The following E2F4 variants were observed in gnomAD, a reference collection of about 807,000 sequenced individuals.
E2F4 encodes the protein E2F transcription factor 4, also known as transcription factor E2F4.
Under a neutral mutation model 44.5 loss-of-function variants are expected in E2F4, and 16 were observed. The ratio of observed to expected loss-of-function variants is 0.36; its 90% CI spans 0.24 to 0.55. E2F4 has a LOEUF of 0.55. E2F4 is among the 20% of genes least tolerant of loss of function. The pLI is 0.87. For synonymous variants in E2F4, 242 were observed against 207.2 expected (o/e 1.17, Z -1.44); for missense variants, 473 against 522.1 (o/e 0.91, Z 0.92).
At chr16:67,195,453 G>A (rs528594727) in intron 6 of E2F4, among the ~76,000 whole-genome samples, 30 of 152,272 alleles carry the variant, frequency 2.0e-4, no homozygotes, top group Non-Finnish European at 4.0e-4. Flanking sequence ...TTTTAACAGG[G>A]AACCTCTGAC....
Position 67,193,013 on chromosome 16 carries a change from G to A in E2F4, c.250G>A (p.Val84Met). 1 of 1,570,174 alleles carries A rather than the reference G, an allele frequency of 6.4e-7. No individual in the cohort carries two copies. Among genetic ancestry groups the A allele is most frequent in the Non-Finnish European group, 8.6e-7 (1 of 1,156,520 alleles). The change falls in exon 3 of 10, where the codon GTG (valine) becomes ATG (methionine). Residue 84 changes from valine (V) to methionine (M), a missense_variant. By Grantham distance (21) the Val-to-Met change is conservative. This residue lies in a region of E2F4 where 119 missense variants were observed against 175.6 expected (regional missense o/e 0.68). Coordinates refer to ENST00000379378, the MANE Select transcript of E2F4 (RefSeq NM_001950.4). Reference sequence around the variant, plus strand: ...AGCCCCACTCCCTGGGCTCAGGGGTGTGGGGCCTGGCTGCAATACCCGGGA... The same window carrying A: ...AGCCCCACTCCCTGGGCTCAGGGGTATGGGGCCTGGCTGCAATACCCGGGA... ...KSKNSIQWKG[V>M]GPGCNTREIA... is the part of the protein sequence containing the mutation.
rs755035084 is a variant in E2F4, at chr16:67,198,028, C to A, written c.1147C>A (p.Leu383Ile). The change falls in exon 10 of 10, where the codon CTT becomes ATT. Residue 383 changes from leucine to isoleucine, a missense_variant. By Grantham distance (5) the Leu-to-Ile change is conservative. Around this residue, in one of 3 missense-constraint regions of E2F4, gnomAD observed 314 missense variants for 315.6 expected, o/e 0.99. Coordinates refer to ENST00000379378, the MANE Select transcript of E2F4 (RefSeq NM_001950.4). ...TGCAGTGTTTGCCCCTCTGCTTCGT[C>A]TTTCTCCACCCCCGGGAGACCACGA... ...SSEVFAPLLR[L>I]SPPPGDHDYI... 2 of 1,614,152 alleles carry A rather than the reference C, an allele frequency of 1.2e-6. No homozygotes were observed. Among genetic ancestry groups the A allele is most frequent in the Middle Eastern group, 1.6e-4 (1 of 6,062 alleles).
At position 67,198,277 on chromosome 16, in the gene E2F4, C is replaced by T. The variant is rs1214686551; in HGVS notation, c.*154C>T. On this transcript the variant is annotated 3_prime_UTR_variant, in exon 10 of 10. Transcript: ENST00000379378. ...ACCGCACAGTTCTGGCCACAGCTCCCGCTCCTGTGCTGGCACTTCTGTGCT... is the reference window on the plus strand; with the variant it reads ...ACCGCACAGTTCTGGCCACAGCTCCTGCTCCTGTGCTGGCACTTCTGTGCT... The T allele has an allele frequency of 1.1e-5, 7 of 652,110 alleles. No homozygotes were observed. The highest frequency in any genetic ancestry group is 1.9e-5 in the Non-Finnish European group (7 of 370,824). 40.4% of individuals were successfully genotyped at this position (652,110 alleles called of 1,614,324 possible). A position where few individuals can be genotyped will look rare whatever the true frequency, so the allele number is the denominator to read the frequency against.
Position 67,192,165 on chromosome 16 carries a change from G to A in E2F4, c.-63G>A. On this transcript the variant is annotated 5_prime_UTR_variant, in exon 1 of 10. Coordinates refer to ENST00000379378, the MANE Select transcript of E2F4 (RefSeq NM_001950.4). The stretch of plus-strand genomic sequence containing the variant: ...GGCTGCCCGGCGGCCAGGAACGGAA[G>A]CGGAAGTGGCGGCGGCGCCGGCCTG... 8.4e-7 allele frequency: 1 copy of A among 1,196,762 alleles called. No homozygotes were observed. Among genetic ancestry groups the A allele is most frequent in the East Asian group, 3.6e-5 (1 of 28,130 alleles). 74.1% of individuals were successfully genotyped at this position (1,196,762 alleles called of 1,614,324 possible).
intron 6 of E2F4, 43 bp downstream of exon 6, chr16:67,195,023 T>C (rs1368932407): frequency 6.3e-7 from 1 of 1,585,412 alleles, no homozygotes; most frequent in African/African-American, 1.3e-5. Context: ...CAAGAGGTAG[T>C]ATCTCTGTGT....
intron 4 of E2F4, 93 bp from the exon 5 acceptor site, chr16:67,194,305 C>G: frequency 1.4e-6 from 2 of 1,393,260 alleles, no homozygotes; most frequent in Non-Finnish European, 1.0e-6. Flanking sequence ...CCTCAGGGAC[C>G]GTGATCTCCT....
chr16:67,198,014 C>T lies in E2F4; in HGVS notation c.1133C>T (p.Ala378Val), dbSNP rs756743172. ...LEELMSSEVF[A>V]PLLRLSPPPG... The stretch of plus-strand genomic sequence containing the variant: ...AGACTAGTGCTCTCTGCAGTGTTTG[C>T]CCCTCTGCTTCGTCTTTCTCCACCC... Residue 378 changes from alanine to valine, a missense_variant, in exon 10 of 10, where the codon GCC (alanine) becomes GTC (valine). By Grantham distance (64) the Ala-to-Val change is moderately conservative. Around this residue, in one of 3 missense-constraint regions of E2F4, gnomAD observed 314 missense variants for 315.6 expected, o/e 0.99. Coordinates refer to ENST00000379378, the MANE Select transcript of E2F4 (RefSeq NM_001950.4). 6 of 1,613,950 alleles carry T rather than the reference C, an allele frequency of 3.7e-6. No homozygotes were observed. Among genetic ancestry groups the T allele is most frequent in the Admixed American group, 1.7e-5 (1 of 60,008 alleles).
intron 6 of E2F4, chr16:67,195,542 G>C (rs532624773): frequency 2.1e-5 from 17 of 799,160 alleles, no homozygotes; most frequent in Non-Finnish European, 3.0e-5. Context: ...CTGGTAGCCC[G>C]TCTTGAAGTA....
chr16:67,194,854 C>T lies in E2F4; in HGVS notation c.682C>T (p.Leu228=), dbSNP rs781332736. 7.4e-6 allele frequency: 12 copies of T among 1,614,100 alleles called. No homozygotes were observed. In the Admixed American group the frequency reaches 1.5e-4, roughly 20 times the overall value. Residue 228 remains leucine, a synonymous_variant, in exon 6 of 10, where the codon CTG becomes TTG. Coordinates refer to ENST00000379378, the MANE Select transcript of E2F4 (RefSeq NM_001950.4). The stretch of plus-strand genomic sequence containing the variant: ...ATCTGCTGTTTCTACACCTCCACCT[C>T]TGCCCAAGCCTGCCCTAGCCCAGTC... ...SPSAVSTPPP[L]PKPALAQSQE...
rs2033008744 is a variant in E2F4, at chr16:67,198,295, T to A, written c.*172T>A. 2 of 619,672 alleles carry A rather than the reference T, an allele frequency of 3.2e-6. No individual in the cohort carries two copies. The highest frequency in any genetic ancestry group is 5.7e-6 in the Non-Finnish European group (2 of 348,972). The allele number at this position is 619,672 out of a possible 1,614,324, so 38.4% of individuals were successfully genotyped here. A position where few individuals can be genotyped will look rare whatever the true frequency, so the allele number is the denominator to read the frequency against. On this transcript the variant is annotated 3_prime_UTR_variant, in exon 10 of 10. Transcript: ENST00000379378. ...CAGCTCCCGCTCCTGTGCTGGCACTTCTGTGCTCGCAGAGCAGGGGAACAG... is the reference window on the plus strand; with the variant it reads ...CAGCTCCCGCTCCTGTGCTGGCACTACTGTGCTCGCAGAGCAGGGGAACAG...
intron 6 of E2F4, among the ~76,000 whole-genome samples, chr16:67,195,257 C>T (rs1301998459): frequency 6.6e-6 from 1 of 152,220 alleles, no homozygotes. Flanking sequence ...GCCTTAGCCT[C>T]CTGAGTAGCT....
chr16:67,195,118 G>A (rs1224113477), intron 6 of E2F4, 138 bp downstream of exon 6: 9 of 1,119,920 alleles, frequency 8.0e-6, no homozygotes, highest in Non-Finnish European at 1.1e-5. Context: ...CCCTTGCTAT[G>A]GTAATGAATG....
In E2F4 at chr16:67,193,518, G is replaced by A. The variant is rs763111395; in HGVS notation, c.451+3G>A. ...GGACATCTGCAGATGCTTTGCTGGT[G>A]AGCAGAGCCTGGGTAGGGGTAAGGG... On this transcript the variant is annotated splice_donor_region_variant and intron_variant, in intron 4 of 9. Coordinates refer to ENST00000379378, the MANE Select transcript of E2F4 (RefSeq NM_001950.4). The A allele has an allele frequency of 3.7e-6, 6 of 1,614,042 alleles. No homozygotes were observed. The highest frequency in any genetic ancestry group is 1.3e-5 in the African/African-American group (1 of 74,920).
chr16:67,192,773 C>T lies in E2F4; in HGVS notation c.148C>T (p.Leu50=). 6.2e-7 allele frequency: 1 copy of T among 1,611,142 alleles called. No homozygotes were observed. Among genetic ancestry groups the T allele is most frequent in the South Asian group, 1.1e-5 (1 of 90,472 alleles). ...TTCTCTCTGCCAGGCAGCTGACACC[C>T]TAGCTGTACGCCAGAAGCGGCGGAT... ...VLDLKLAADT[L]AVRQKRRIYD... Residue 50 remains leucine (L), a synonymous_variant, in exon 2 of 10, where the codon CTA becomes TTA. Transcript: ENST00000379378.
chr16:67,198,783 C>T lies in E2F4; in HGVS notation c.*660C>T. ...CTTTTTCATTTACCCTCATTTAGAGCCATTTGCAGAGATTTAGAAAGATTT... is the reference window on the plus strand; with the variant it reads ...CTTTTTCATTTACCCTCATTTAGAGTCATTTGCAGAGATTTAGAAAGATTT... On this transcript the variant is annotated 3_prime_UTR_variant, in exon 10 of 10. Transcript: ENST00000379378. 4.5e-6 allele frequency: 1 copy of T among 221,110 alleles called. No individual in the cohort carries two copies. Among genetic ancestry groups the T allele is most frequent in the Non-Finnish European group, 9.0e-6 (1 of 111,494 alleles). 13.7% of individuals were successfully genotyped at this position (221,110 alleles called of 1,614,324 possible).
intron 1 of E2F4, 156 bp downstream of exon 1, chr16:67,192,518 G>T: frequency 8.5e-7 from 1 of 1,172,042 alleles, no homozygotes; most frequent in Non-Finnish European, 1.1e-6. Flanking sequence ...TCATTCATTC[G>T]GCCGAGGCCA....
rs199975562 is a variant in E2F4 at position 67,193,422 on chromosome 16, T to C, written c.408-50T>C. On this transcript the variant is annotated intron_variant, in intron 3 of 9. Coordinates refer to ENST00000379378, the MANE Select transcript of E2F4 (RefSeq NM_001950.4). Reference sequence around the variant, plus strand: ...CTAAAGAATTGGGTCTTTTCTGTAGTCTGCCATCTGTCACCATAGGGCATC... The same window carrying C: ...CTAAAGAATTGGGTCTTTTCTGTAGCCTGCCATCTGTCACCATAGGGCATC... 1.1e-5 allele frequency: 17 copies of C among 1,605,200 alleles called. No homozygotes were observed. The East Asian group carries it at 3.8e-4, about 36-fold the overall frequency.
Position 67,195,890 on chromosome 16 carries a change from ACAGCAGCAGCAGCAGCAGCAGCAGCAG to A in E2F4, c.932_958del (p.Ser311_Ser319del), listed in dbSNP as rs3830472. On this transcript the variant is annotated inframe_deletion, in exon 7 of 10. Coordinates refer to ENST00000379378, the MANE Select transcript of E2F4 (RefSeq NM_001950.4). ...CCACTGCAGTCTTCTGCCCTGCTGG[ACAGCAGCAGCAGCAGCAGCAGCAGCAG>A]CAGCAGCAGCAGCAACAGTAACAGC... 35 of 1,607,984 alleles carry A rather than the reference ACAGCAGCAGCAGCAGCAGCAGCAGCAG, an allele frequency of 2.2e-5. No individual in the cohort carries two copies. The highest frequency in any genetic ancestry group is 1.3e-4 in the East Asian group (6 of 44,680).
chr16:67,197,990 G>C lies in E2F4; in HGVS notation c.1127-18G>C, dbSNP rs763688036. ...AGGGGAGCCCTGGCCCAGGGCCTGA[G>C]ACTAGTGCTCTCTGCAGTGTTTGCC... On this transcript the variant is annotated intron_variant, in intron 9 of 9. Transcript: ENST00000379378. 6.2e-7 allele frequency: 1 copy of C among 1,614,122 alleles called. No individual in the cohort carries two copies. The highest frequency in any genetic ancestry group is 1.1e-5 in the South Asian group (1 of 91,088).
Sources: allele counts gnomAD v4.1 joint callset (sites outside exome capture counted in the v4.1 genomes callset), GRCh38; gene constraint gnomAD v4.1.1; regional missense constraint gnomAD v4.1.1; transcripts MANE v1.5; gene names NCBI Gene and HGNC (gene_info 2026-07-23, HGNC 2026-07-21).